The following PRH1 variants were observed in gnomAD, a reference collection of about 807,000 sequenced individuals.
PRH1 encodes the protein proline rich protein HaeIII subfamily 1.
PRH1 carries 7 observed loss-of-function variants against 7.9 expected under a neutral mutation model. The ratio of observed to expected loss-of-function variants is 0.89; its 90% confidence interval spans 0.50 to 1.67. The LOEUF is 1.67. Among genes scored for constraint, PRH1 ranks in the 40% most tolerant of loss-of-function variants. PRH1 has a pLI of 0.00. For synonymous variants in PRH1, 45 were observed against 80.8 expected, an observed-to-expected ratio of 0.56 and a Z score of 2.38; for missense variants, 109 against 223.6, an observed-to-expected ratio of 0.49 and a Z score of 3.27.
intron 2 of PRH1, among the ~76,000 whole-genome samples, chr12:10,942,889 T>C (rs1012830241): frequency 6.6e-6 from 1 of 152,200 alleles, no homozygotes; most frequent in African/African-American, 2.4e-5. Context: ...TACTGCTCCC[T>C]CTATTCCTGT....
At chr12:10,891,253 T>C (rs1293100949) in intron 2 of PRH1, among the ~76,000 whole-genome samples, 3 of 152,170 alleles carry the variant, frequency 2.0e-5, no homozygotes, top group Non-Finnish European at 4.4e-5. Flanking sequence ...TGAATAAGCA[T>C]CTGAATGTAA....
intron 1 of PRH1, among the ~76,000 whole-genome samples, chr12:11,039,426 C>T (rs1942605872): frequency 6.6e-6 from 1 of 152,232 alleles, no homozygotes; most frequent in South Asian, 2.1e-4. Context: ...AACACAATGT[C>T]CTTGCTGTAA....
intron 1 of PRH1, chr12:10,996,969 C>T (rs749438071): frequency 1.9e-6 from 3 of 1,612,872 alleles, no homozygotes; most frequent in South Asian, 2.2e-5. Flanking sequence ...TGGTTCTGTC[C>T]TTTTGCCCAG....
At chr12:11,171,351 T>G (rs1199581820) in intron 1 of PRH1, 1 of 1,231,466 alleles carries the variant, frequency 8.1e-7, no homozygotes, top group Non-Finnish European at 1.0e-6. Context: ...CGGCGACACC[T>G]GGCTCATGGC....
intron 1 of PRH1, among the ~76,000 whole-genome samples, chr12:11,002,072 A>C (rs867183501): frequency 2.0e-5 from 3 of 152,172 alleles, no homozygotes; most frequent in African/African-American, 7.2e-5. Flanking sequence ...AAACTAAACT[A>C]TACTTAAAAA....
chr12:10,960,008 G>C (rs115712076), intron 2 of PRH1, among the ~76,000 whole-genome samples: 2,306 of 152,278 alleles, frequency 0.015, 19 homozygotes, highest in South Asian at 0.031. Flanking sequence ...GTTGCTAATA[G>C]AGCATGCAAC....
chr12:11,093,750 A>G lies in PRH1; in HGVS notation n.124-46562T>C, dbSNP rs541481403. Reference sequence around the variant, plus strand: ...CATTTCACTTATTTTGATAAACAAAAAATTACTACAGTTTGCATAGAGATT... The same window carrying G: ...CATTTCACTTATTTTGATAAACAAAGAATTACTACAGTTTGCATAGAGATT... On this transcript the variant is annotated intron_variant and non_coding_transcript_variant, in intron 1 of 4. Transcript: ENST00000541977. 2.3e-3 allele frequency among the ~76,000 whole-genome samples: 265 copies of G among 115,108 alleles called. 76 individuals are homozygous for G. Among genetic ancestry groups the G allele is most frequent in the Non-Finnish European group, 4.8e-3 (232 of 48,806 alleles). 75.5% of individuals were successfully genotyped at this position (115,108 alleles called of 152,430 possible).
At chr12:10,926,546 C>T (rs1275659280) in intron 2 of PRH1, among the ~76,000 whole-genome samples, 2 of 152,138 alleles carry the variant, frequency 1.3e-5, no homozygotes, top group African/African-American at 2.4e-5. Flanking sequence ...CTAATTTCTA[C>T]TTTTAAATGA....
chr12:10,917,205 C>A (rs1397993163), intron 2 of PRH1, among the ~76,000 whole-genome samples: 1 of 152,134 alleles, frequency 6.6e-6, no homozygotes, highest in East Asian at 1.9e-4. Flanking sequence ...CCAATTAAGT[C>A]AGTGATGAAT....
chr12:10,991,701 T>C (rs1939945786), intron 1 of PRH1, among the ~76,000 whole-genome samples: 2 of 152,060 alleles, frequency 1.3e-5, no homozygotes, highest in Non-Finnish European at 2.9e-5. Context: ...CCAGACATAA[T>C]TGATTAGAGA....
intron 1 of PRH1, among the ~76,000 whole-genome samples, chr12:11,100,827 T>C (rs1305472060): frequency 6.6e-6 from 1 of 152,150 alleles, no homozygotes; most frequent in African/African-American, 2.4e-5. Flanking sequence ...TGCCTTTCTA[T>C]GATTTTTTTC....
chr12:10,953,958 C>CATT (rs1937819949), intron 2 of PRH1, among the ~76,000 whole-genome samples: 1 of 152,078 alleles, frequency 6.6e-6, no homozygotes, highest in African/African-American at 2.4e-5. Flanking sequence ...GGCTCATATT[C>CATT]AGAAATTTTT....
At chr12:11,083,368 A>AG (rs1944557423) in intron 1 of PRH1, among the ~76,000 whole-genome samples, 1 of 118,162 alleles carries the variant, frequency 8.5e-6, no homozygotes, top group African/African-American at 2.8e-5. Context: ...AAAGTTTAAA[A>AG]TTTTTCTTGG....
intron 1 of PRH1, among the ~76,000 whole-genome samples, chr12:11,064,009 A>G (rs1943710951): frequency 6.6e-6 from 1 of 152,118 alleles, no homozygotes. Context: ...GAACCAAAAC[A>G]AAAATGGGAA....
chr12:10,903,541 G>A (rs1331413144), intron 2 of PRH1, among the ~76,000 whole-genome samples: 1 of 151,818 alleles, frequency 6.6e-6, no homozygotes, highest in Non-Finnish European at 1.5e-5. Flanking sequence ...AATAATAAGA[G>A]CCATCTATGA....
Position 11,075,382 on chromosome 12 carries a change from T to G in PRH1, n.124-28194A>C, listed in dbSNP as rs1349546549. 3.0e-5 allele frequency among the ~76,000 whole-genome samples: 3 copies of G among 98,494 alleles called. No individual in the cohort carries two copies. The East Asian group carries it at 6.9e-4, about 23-fold the overall frequency. The allele number at this position is 98,494 out of a possible 152,430, so 64.6% of individuals were successfully genotyped here. A position where few individuals can be genotyped will look rare whatever the true frequency, so the allele number is the denominator to read the frequency against. On this transcript the variant is annotated intron_variant and non_coding_transcript_variant, in intron 1 of 4. Transcript: ENST00000541977. ...TTAACCAGTTGCAAAGTTTGCTAGC[T>G]TTTTTTTTTTTTCATTTCTTTTGTG...
intron 1 of PRH1, among the ~76,000 whole-genome samples, chr12:11,069,444 G>GTA (rs1943967339): frequency 1.3e-5 from 2 of 149,132 alleles, no homozygotes. Context: ...GCAATCTCAT[G>GTA]TTTTCAGTTT....
chr12:10,926,617 A>C lies in PRH1; in HGVS notation c.-58-42342T>G, dbSNP rs115881115. ...GTACTGGGGGAAGAATGTTACCAGGACCAGGTCGAGGCTGTTAAAGACCTC... is the reference window on the plus strand; with the variant it reads ...GTACTGGGGGAAGAATGTTACCAGGCCCAGGTCGAGGCTGTTAAAGACCTC... On this transcript the variant is annotated intron_variant, in intron 2 of 3. Transcript: ENST00000539853. Among the ~76,000 whole-genome samples the C allele has an allele frequency of 4.6e-3, 700 of 152,318 alleles. 6 individuals are homozygous for C. Among genetic ancestry groups the C allele is most frequent in the African/African-American group, 0.016 (674 of 41,558 alleles).
intron 2 of PRH1, among the ~76,000 whole-genome samples, chr12:10,935,263 T>C (rs1433202185): frequency 6.6e-6 from 1 of 152,216 alleles, no homozygotes; most frequent in Non-Finnish European, 1.5e-5. Flanking sequence ...GGAAATCACA[T>C]GGATTCAAAA....
Sources: gnomAD v4.1 joint callset for allele counts (sites outside exome capture counted in the v4.1 genomes callset) on GRCh38, gnomAD v4.1.1 for gene constraint, MANE v1.5 for transcripts, NCBI Gene and HGNC (gene_info 2026-07-23, HGNC 2026-07-21) for gene names.